BZW1: variants seen among roughly 807,000 people sequenced by gnomAD.
BZW1 encodes eIF5-mimic protein 2.
In BZW1, 3 loss-of-function variants were observed where a neutral mutation model predicts 54.1. The ratio of observed to expected loss-of-function variants is 0.06; its 90% CI spans 0.03 to 0.14. BZW1 has a LOEUF of 0.14. Among genes scored for constraint, BZW1 ranks in the 10% least tolerant of loss-of-function variants. The probability of loss-of-function intolerance (pLI) is 1.00; values close to 1 mark genes in which losing one functional copy is unlikely to be tolerated. For missense variants in BZW1, 206 were observed against 491.7 expected, an observed-to-expected ratio of 0.42 and a Z score of 5.50; for synonymous variants, 152 against 162.7, an observed-to-expected ratio of 0.93 and a Z score of 0.50.
At chr2:200,818,613 C>T (rs1218008640) in intron 8 of BZW1, 142 bp from the exon 9 acceptor site, 1 of 1,075,072 alleles carries the variant, frequency 9.3e-7, no homozygotes, top group Non-Finnish European at 1.3e-6. Context: ...TTGTAAAGGT[C>T]TCTTTTTATA....
At chr2:200,818,965 G>C in intron 9 of BZW1, 64 bp downstream of exon 9, 1 of 1,488,038 alleles carries the variant, frequency 6.7e-7, no homozygotes. Context: ...AGTGAACTGT[G>C]ACTATATTTT....
At chr2:200,822,079 C>T in intron 11 of BZW1, 68 bp from the exon 12 acceptor site, 1 of 1,441,808 alleles carries the variant, frequency 6.9e-7, no homozygotes, top group Non-Finnish European at 9.6e-7. Flanking sequence ...AAAGAAGCTT[C>T]AAAGTTATAA....
At chr2:200,816,082 A>C (rs1015758654) in intron 4 of BZW1, among the ~76,000 whole-genome samples, 1 of 152,234 alleles carries the variant, frequency 6.6e-6, no homozygotes, top group African/African-American at 2.4e-5. Flanking sequence ...TTTAAAGTTA[A>C]ATGAGTTGTG....
rs765812441 is a variant in BZW1, at chr2:200,825,510, G to A, written c.*3332G>A. ...CAGTGAAGTAGTATTTTTTCTGTCA[G>A]GGTCAATAGAAAGTAGACGAAATTC... On this transcript the variant is annotated 3_prime_UTR_variant, in exon 12 of 12. Transcript: ENST00000409600. The A allele has an allele frequency of 6.6e-6, 1 of 152,138 alleles. No homozygotes were observed. Among genetic ancestry groups the A allele is most frequent in the South Asian group, 2.1e-4 (1 of 4,832 alleles). The allele number at this position is 152,138 out of a possible 1,614,324, so 9.4% of individuals were successfully genotyped here. A position where few individuals can be genotyped will look rare whatever the true frequency, so the allele number is the denominator to read the frequency against.
intron 1 of BZW1, chr2:200,812,958 A>G (rs1366903161): frequency 2.9e-6 from 2 of 679,396 alleles, no homozygotes; most frequent in South Asian, 1.5e-5. Context: ...CTGTAGCACT[A>G]CAATGTCGCT....
chr2:200,814,282 G>A (rs951664409), intron 2 of BZW1, among the ~76,000 whole-genome samples: 7 of 152,214 alleles, frequency 4.6e-5, no homozygotes, highest in Non-Finnish European at 1.0e-4. Context: ...AGGGAGAGAT[G>A]TAACTTCCCC....
At position 200,821,319 on chromosome 2, in the gene BZW1, T is replaced by G. The variant is rs1487268421; in HGVS notation, c.1228+14T>G. ...ATGCTGAAGAAGGTAAGGATTTTCC[T>G]TTGTGTGGTTTGTTTGGTAAAGCTA... On this transcript the variant is annotated intron_variant, in intron 11 of 11. Transcript: ENST00000409600. 2 of 1,612,454 alleles carry G rather than the reference T, an allele frequency of 1.2e-6. No homozygotes were observed. The highest frequency in any genetic ancestry group is 1.3e-5 in the African/African-American group (1 of 75,028).
At chr2:200,813,790 A>G (rs1214177743) in intron 2 of BZW1, among the ~76,000 whole-genome samples, 2 of 151,460 alleles carry the variant, frequency 1.3e-5, no homozygotes, top group Admixed American at 1.3e-4. Context: ...TTTTTTTTGC[A>G]TTAGTGTGTA....
chr2:200,815,777 C>A lies in BZW1; in HGVS notation c.336+16C>A. On this transcript the variant is annotated intron_variant, in intron 4 of 11. Transcript: ENST00000409600. ...ATTTGCTCAGGTAAATGAAACTTTA[C>A]ATAATTGTTTTCAGTTGGCTACTAT... 1 of 1,523,284 alleles carries A rather than the reference C, an allele frequency of 6.6e-7. No homozygotes were observed. Among genetic ancestry groups the A allele is most frequent in the Admixed American group, 2.3e-5 (1 of 43,626 alleles). The allele number at this position is 1,523,284 out of a possible 1,614,324, so 94.4% of individuals were successfully genotyped here. A position where few individuals can be genotyped will look rare whatever the true frequency, so the allele number is the denominator to read the frequency against.
intron 10 of BZW1, among the ~76,000 whole-genome samples, chr2:200,820,730 T>C (rs2038478704): frequency 6.6e-6 from 1 of 152,150 alleles, no homozygotes; most frequent in Non-Finnish European, 1.5e-5. Flanking sequence ...TCTGTAGTCT[T>C]AGCTATGTAG....
chr2:200,812,464 G>T (rs1227378624), intron 1 of BZW1: 6 of 1,336,468 alleles, frequency 4.5e-6, no homozygotes, highest in Middle Eastern at 2.6e-4. Flanking sequence ...TGGTCCGCTC[G>T]TTGCGGCGGC....
At chr2:200,815,574 T>G (rs1333956522) in intron 3 of BZW1, 57 bp downstream of exon 3, 1 of 1,603,866 alleles carries the variant, frequency 6.2e-7, no homozygotes. Flanking sequence ...ATATGGAGAT[T>G]ATGGAGAGTC....
chr2:200,824,581 G>T lies in BZW1; in HGVS notation c.*2403G>T, dbSNP rs1325421808. 1 of 149,934 alleles carries T rather than the reference G, an allele frequency of 6.7e-6. No individual in the cohort carries two copies. Among genetic ancestry groups the T allele is most frequent in the African/African-American group, 2.4e-5 (1 of 40,922 alleles). The allele number at this position is 149,934 out of a possible 1,614,324, so 9.3% of individuals were successfully genotyped here. A position where few individuals can be genotyped will look rare whatever the true frequency, so the allele number is the denominator to read the frequency against. On this transcript the variant is annotated 3_prime_UTR_variant, in exon 12 of 12. Transcript: ENST00000409600. ...GGATATTTTGAAATAGCATATTTTA[G>T]TTAGGGGAAATGCATGTGACCAAGA...
intron 1 of BZW1, 136 bp downstream of exon 1, chr2:200,812,126 C>T (rs1289240169): frequency 1.3e-5 from 12 of 901,130 alleles, no homozygotes; most frequent in Admixed American, 8.7e-5. Flanking sequence ...GAGGCCGGGC[C>T]GGATCTAGGG....
Position 200,821,371 on chromosome 2 carries a change from C to G in BZW1, c.1228+66C>G. ...TTTTAATGTGGCCATAATATATCTT[C>G]ACACATGCTTCCTTCTTTCTGATGC... On this transcript the variant is annotated intron_variant, in intron 11 of 11. Transcript: ENST00000409600. The G allele has an allele frequency of 3.2e-6, 5 of 1,572,158 alleles. No homozygotes were observed. The South Asian group carries it at 5.8e-5, about 18-fold the overall frequency.
chr2:200,812,989 A>G, intron 1 of BZW1: 1 of 692,006 alleles, frequency 1.4e-6, no homozygotes, highest in Non-Finnish European at 2.7e-6. Flanking sequence ...TCACAGCACT[A>G]ATTTGAAGGG....
intron 4 of BZW1, 38 bp from the exon 5 acceptor site, chr2:200,816,285 AAT>A (rs753319749): frequency 1.4e-6 from 2 of 1,446,046 alleles, no homozygotes; most frequent in Non-Finnish European, 1.9e-6. Flanking sequence ...CTATTCTAGA[AAT>A]ATATGAAGTT....
intron 1 of BZW1, chr2:200,812,240 G>T: frequency 8.1e-7 from 1 of 1,229,462 alleles, no homozygotes. Flanking sequence ...GAAGGCAGTG[G>T]CCGAGGCGGG....
chr2:200,812,414 G>C, intron 1 of BZW1: 8 of 1,278,280 alleles, frequency 6.3e-6, no homozygotes, highest in Non-Finnish European at 7.9e-6. Context: ...GCGGATGTAC[G>C]GGGCGCCTGG....
Sources: gnomAD v4.1 joint callset for allele counts (sites outside exome capture counted in the v4.1 genomes callset) on GRCh38, gnomAD v4.1.1 for gene constraint, MANE v1.5 for transcripts, NCBI Gene and HGNC (gene_info 2026-07-23, HGNC 2026-07-21) for gene names.